The following MTO1 variants were observed in gnomAD, a reference collection of about 807,000 sequenced individuals.
The protein encoded by MTO1 is mitochondrial tRNA translation optimization 1, also known as 5-taurinomethyluridine-[tRNA] synthase subunit MTO1, mitochondrial.
Under a neutral mutation model 71.6 loss-of-function variants are expected in MTO1, and 46 were observed. The ratio of observed to expected loss-of-function variants is 0.64; its 90% confidence interval spans 0.51 to 0.82. The LOEUF is 0.82. Ranked by LOEUF, MTO1 falls within the 40% of genes least tolerant of loss-of-function variation. The pLI, the probability that MTO1 is intolerant of heterozygous loss-of-function variation, is 0.00. For synonymous variants in MTO1, 297 were observed against 312.1 expected (o/e 0.95, Z 0.51); for missense variants, 773 against 867.5 (o/e 0.89, Z 1.37).
chr6:73,465,119 G>A (rs1026730870), intron 1 of MTO1, among the ~76,000 whole-genome samples: 1 of 151,846 alleles, frequency 6.6e-6, no homozygotes, highest in Non-Finnish European at 1.5e-5. Context: ...GACATAATTG[G>A]TTGTAACTGA....
At chr6:73,491,960 G>T (rs991089370) in intron 9 of MTO1, 4 of 252,822 alleles carry the variant, frequency 1.6e-5, no homozygotes, top group African/African-American at 9.0e-5. Flanking sequence ...AAAATAGCCG[G>T]GCATGGTGGC....
At chr6:73,494,219 G>C (rs141150816) in intron 10 of MTO1, among the ~76,000 whole-genome samples, 3 of 152,020 alleles carry the variant, frequency 2.0e-5, no homozygotes, top group African/African-American at 7.2e-5. Flanking sequence ...TGAGCGACAA[G>C]AGCGAGACTT....
intron 9 of MTO1, among the ~76,000 whole-genome samples, chr6:73,488,606 C>T (rs1007370709): frequency 6.6e-6 from 1 of 151,984 alleles, no homozygotes; most frequent in East Asian, 1.9e-4. Context: ...CTTTGATGTA[C>T]ATTTTAAAAA....
chr6:73,473,004 G>A (rs751960219), intron 3 of MTO1, among the ~76,000 whole-genome samples: 6 of 152,212 alleles, frequency 3.9e-5, no homozygotes, highest in East Asian at 3.8e-4. Context: ...GGCCGGGCGC[G>A]GTGGCTCACG....
At chr6:73,490,553 A>G (rs912560744) in intron 9 of MTO1, among the ~76,000 whole-genome samples, 4 of 152,126 alleles carry the variant, frequency 2.6e-5, no homozygotes, top group Non-Finnish European at 4.4e-5. Flanking sequence ...ACACTGGTCT[A>G]TGTATCTGTC....
Position 73,473,325 on chromosome 6 carries a change from T to G in MTO1, c.536-40T>G, listed in dbSNP as rs370145264. 6.5e-6 allele frequency: 10 copies of G among 1,532,592 alleles called. No homozygotes were observed. In the African/African-American group the frequency reaches 1.4e-4, roughly 21 times the overall value. 94.9% of individuals were successfully genotyped at this position (1,532,592 alleles called of 1,614,324 possible). ...ATACATAGATACATAAATACATAGA[T>G]ACATAGATAATGACTTTATTCTTTT... is the stretch of plus-strand genomic sequence containing the variant. On this transcript the variant is annotated intron_variant, in intron 3 of 11. Coordinates refer to ENST00000498286, the MANE Select transcript of MTO1 (RefSeq NM_012123.4).
chr6:73,465,197 G>C (rs1203656965), intron 1 of MTO1, among the ~76,000 whole-genome samples: 1 of 150,536 alleles, frequency 6.6e-6, no homozygotes, highest in Non-Finnish European at 1.5e-5. Context: ...TGGAGTCACT[G>C]TTGTCACCCA....
Position 73,482,189 on chromosome 6 carries a change from A to C in MTO1, c.1410A>C (p.Val470=). ...SEPYRMFTSR[V]EFRLSLRPDN... Reference sequence around the variant, plus strand: ...CATACCGCATGTTTACCAGCCGAGTAGAGTTCCGTTTGTCACTGCGCCCTG... The same window carrying C: ...CATACCGCATGTTTACCAGCCGAGTCGAGTTCCGTTTGTCACTGCGCCCTG... The change falls in exon 8 of 12, where the codon GTA becomes GTC. Residue 470 remains valine, a synonymous_variant. Transcript: ENST00000498286. 6.2e-7 allele frequency: 1 copy of C among 1,614,206 alleles called. No homozygotes were observed. Among genetic ancestry groups the C allele is most frequent in the Non-Finnish European group, 8.5e-7 (1 of 1,180,032 alleles).
At chr6:73,469,192 G>C (rs75522901) in intron 3 of MTO1, among the ~76,000 whole-genome samples, 1,605 of 152,010 alleles carry the variant, frequency 0.011, 25 homozygotes, top group African/African-American at 0.037. Context: ...TTTTGGAGAC[G>C]TGGGATCTCC....
At chr6:73,471,577 G>T in intron 3 of MTO1, 1 of 334,432 alleles carries the variant, frequency 3.0e-6, no homozygotes, top group South Asian at 2.3e-5. Flanking sequence ...ACCACCCCTG[G>T]CTAATTTATT....
intron 1 of MTO1, among the ~76,000 whole-genome samples, chr6:73,463,020 CTT>C (rs538317090): frequency 2.8e-5 from 4 of 141,000 alleles, no homozygotes; most frequent in Non-Finnish European, 3.1e-5. Flanking sequence ...ACCATGCTAC[CTT>C]TTTTTTTTTT....
chr6:73,499,396 C>T (rs1248412397), intron 11 of MTO1, among the ~76,000 whole-genome samples: 2 of 151,766 alleles, frequency 1.3e-5, no homozygotes, highest in African/African-American at 2.4e-5. Flanking sequence ...GTGGCATGCA[C>T]CTATAGTCCC....
rs139647877 is a variant in MTO1 at position 73,492,292 on chromosome 6, C to T, written c.1696C>T (p.Pro566Ser). ...CATGGATTCATTAGCCAAGGCTGTTCCAGAGCCCTTGAAGAAGTATACTAA... is the reference window on the plus strand; with the variant it reads ...CATGGATTCATTAGCCAAGGCTGTTTCAGAGCCCTTGAAGAAGTATACTAA... The part of the protein sequence containing the change: ...VDMDSLAKAV[P>S]EPLKKYTKCR... The change falls in exon 10 of 12, where the codon CCA becomes TCA. Residue 566 changes from proline (P) to serine (S), a missense_variant. Transcript: ENST00000498286. 1.2e-6 allele frequency: 2 copies of T among 1,613,760 alleles called. No individual in the cohort carries two copies. Among genetic ancestry groups the T allele is most frequent in the Non-Finnish European group, 1.7e-6 (2 of 1,179,838 alleles).
At chr6:73,495,809 T>G (rs1351451046) in intron 10 of MTO1, among the ~76,000 whole-genome samples, 5 of 152,200 alleles carry the variant, frequency 3.3e-5, no homozygotes, top group African/African-American at 1.2e-4. Context: ...AGTCATAACA[T>G]TATATTACAA....
chr6:73,491,411 A>G (rs7773147), intron 9 of MTO1, among the ~76,000 whole-genome samples: 80,644 of 141,938 alleles, frequency 0.57, 24,146 homozygotes, highest in Non-Finnish European at 0.68. Context: ...AAAAAAAAAA[A>G]AAGAAGAAGA....
In MTO1 at chr6:73,482,621, G is replaced by A; in HGVS notation, c.1637+1G>A. On this transcript the variant is annotated splice_donor_variant, in intron 9 of 11. Transcript: ENST00000498286. LOFTEE classifies it high-confidence loss of function. The stretch of plus-strand genomic sequence containing the variant: ...GTACTAGTAGAAGTCTGCCTGTCAG[G>A]TATGCATTTTTAATATAGACCTTTC... The A allele has an allele frequency of 3.1e-6, 5 of 1,588,630 alleles. No individual in the cohort carries two copies. The highest frequency in any genetic ancestry group is 4.3e-6 in the Non-Finnish European group (5 of 1,173,058).
At chr6:73,478,024 G>C (rs1278755898) in intron 4 of MTO1, among the ~76,000 whole-genome samples, 1 of 151,902 alleles carries the variant, frequency 6.6e-6, no homozygotes, top group Non-Finnish European at 1.5e-5. Context: ...GCCAAGGCAG[G>C]TGGATCACAA....
intron 3 of MTO1, among the ~76,000 whole-genome samples, chr6:73,469,577 G>A (rs182360173): frequency 1.8e-4 from 28 of 152,076 alleles, no homozygotes; most frequent in East Asian, 1.8e-3. Flanking sequence ...AGCCGAGATC[G>A]TGCCACTGCA....
chr6:73,480,015 G>T lies in MTO1; in HGVS notation c.1018G>T (p.Asp340Tyr). 6.2e-7 allele frequency: 1 copy of T among 1,614,134 alleles called. No individual in the cohort carries two copies. Among genetic ancestry groups the T allele is most frequent in the Non-Finnish European group, 8.5e-7 (1 of 1,180,006 alleles). ...GGTTTGGTTGGAACCTGAAGGAATG[G>T]ATTCTGACCTTATCTACCCACAGGG... ...HQVWLEPEGM[D>Y]SDLIYPQGLS... is the part of the protein sequence containing the mutation. The change falls in exon 6 of 12, where the codon GAT becomes TAT. Residue 340 changes from aspartate to tyrosine, a missense_variant. Transcript: ENST00000498286.
Sources: gnomAD v4.1 joint callset for allele counts (sites outside exome capture counted in the v4.1 genomes callset) on GRCh38, gnomAD v4.1.1 for gene constraint, MANE v1.5 for transcripts, NCBI Gene and HGNC (gene_info 2026-07-23, HGNC 2026-07-21) for gene names.